The following TRAPPC2 variants were observed in gnomAD, a reference collection of about 807,000 sequenced individuals.
TRAPPC2 encodes trafficking protein particle complex subunit 2, also known as sedlin.
In TRAPPC2, 4 loss-of-function variants were observed where a neutral mutation model predicts 10.0. That is an observed-to-expected ratio of 0.40 (90% CI 0.20 to 0.92). TRAPPC2 has a LOEUF of 0.92. Ranked by LOEUF, TRAPPC2 falls within the 40% of genes least tolerant of loss-of-function variation. The pLI, the probability that TRAPPC2 is intolerant of heterozygous loss-of-function variation, is 0.35. For synonymous variants in TRAPPC2, 36 were observed against 37.3 expected (o/e 0.97, Z 0.12); for missense variants, 52 against 108.7 (o/e 0.48, Z 2.32).
chrX:13,733,588 A>T (rs965674788), intron 2 of TRAPPC2, among the ~76,000 whole-genome samples: 1 of 111,868 alleles, frequency 8.9e-6, no homozygotes, highest in African/African-American at 3.3e-5. Context: ...AGTTTTTCAC[A>T]GCCAGAGATC....
Position 13,714,143 on chromosome X carries a change from G to GGAA in TRAPPC2, c.*263_*264insTTC. 1 of 63,245 alleles carries GGAA rather than the reference G, an allele frequency of 1.6e-5. No individual in the cohort carries two copies. Among genetic ancestry groups the GGAA allele is most frequent in the African/African-American group, 6.4e-5 (1 of 15,597 alleles). The allele number at this position is 63,245 out of a possible 1,213,427, so 5.2% of individuals were successfully genotyped here. A position where few individuals can be genotyped will look rare whatever the true frequency, so the allele number is the denominator to read the frequency against. ...GGCAACAGAGTGAGACTCTGTATCA[G>GGAA]AAAAAAAAAAAAAAAAAAAACATGA... On this transcript the variant is annotated 3_prime_UTR_variant, in exon 6 of 6. Coordinates refer to ENST00000380579, the MANE Select transcript of TRAPPC2 (RefSeq NM_001011658.4).
chrX:13,722,453 A>G (rs1235394131), intron 2 of TRAPPC2, among the ~76,000 whole-genome samples: 1 of 110,940 alleles, frequency 9.0e-6, no homozygotes, highest in Non-Finnish European at 1.9e-5. Context: ...CTTTATATAC[A>G]TTCCATGCTT....
intron 5 of TRAPPC2, 70 bp downstream of exon 5, chrX:13,715,934 A>T: frequency 2.7e-6 from 3 of 1,114,862 alleles, no homozygotes; most frequent in Non-Finnish European, 3.6e-6. Flanking sequence ...AGTTACTTCA[A>T]TAGGCCAGTT....
intron 4 of TRAPPC2, 71 bp downstream of exon 4, chrX:13,716,463 T>C (rs1321793923): frequency 1.7e-6 from 2 of 1,145,514 alleles, no homozygotes; most frequent in African/African-American, 1.8e-5. Flanking sequence ...GCCTGGCATC[T>C]ATGTTCCATG....
At chrX:13,723,716 G>C (rs2046478646) in intron 2 of TRAPPC2, among the ~76,000 whole-genome samples, 1 of 110,754 alleles carries the variant, frequency 9.0e-6, no homozygotes. Context: ...ACAGAATTTG[G>C]GAATAGATTA....
intron 2 of TRAPPC2, chrX:13,721,336 G>A (rs745678553): frequency 8.9e-6 from 1 of 112,240 alleles, no homozygotes; most frequent in South Asian, 3.7e-4. Flanking sequence ...GCACCTTATG[G>A]TGCACTTATG....
rs186643504 is a variant in TRAPPC2 at position 13,726,629 on chromosome X, C to T, written c.-19-6647G>A. ...AGCACTAAACATAGAAAGAAACAAC[C>T]GGTACCAGCCACTGCAAAAACAGGC... is the stretch of plus-strand genomic sequence containing the variant. On this transcript the variant is annotated intron_variant, in intron 2 of 5. Transcript: ENST00000380579. Among the ~76,000 whole-genome samples, 13 of 111,805 alleles carry T rather than the reference C, an allele frequency of 1.2e-4. No individual in the cohort carries two copies. In the East Asian group the frequency reaches 2.8e-3, roughly 24 times the overall value.
chrX:13,722,953 C>T lies in TRAPPC2; in HGVS notation c.-19-2971G>A, dbSNP rs180868934. Among the ~76,000 whole-genome samples the T allele has an allele frequency of 1.1e-3, 124 of 110,199 alleles. No homozygotes were observed. In the South Asian group the frequency reaches 0.021, roughly 18 times the overall value. ...TGGTGGGCACCTGTAGTCCCAGCTA[C>T]TCGGGAGGCTGAGGCAGAAGAATGG... On this transcript the variant is annotated intron_variant, in intron 2 of 5. Transcript: ENST00000380579.
intron 3 of TRAPPC2, among the ~76,000 whole-genome samples, chrX:13,717,517 G>A (rs2046322256): frequency 9.0e-6 from 1 of 111,370 alleles, no homozygotes; most frequent in Non-Finnish European, 1.9e-5. Context: ...TGAGGCAGGT[G>A]GATCACCTGA....
rs1354285106 is a variant in TRAPPC2, at chrX:13,734,162, T to A, written c.-138A>T. The A allele has an allele frequency of 2.0e-6, 1 of 506,005 alleles. No individual in the cohort carries two copies. Among genetic ancestry groups the A allele is most frequent in the Non-Finnish European group, 3.5e-6 (1 of 281,868 alleles). 41.7% of individuals were successfully genotyped at this position (506,005 alleles called of 1,213,427 possible). A position where few individuals can be genotyped will look rare whatever the true frequency, so the allele number is the denominator to read the frequency against. On this transcript the variant is annotated 5_prime_UTR_variant, in exon 2 of 6. Transcript: ENST00000380579. ...CAATATCTGGAGACATCTTTGGTTG[T>A]CACACTTGGGGGAGAAGGTGATACT... is the stretch of plus-strand genomic sequence containing the variant.
At chrX:13,721,448 C>T (rs900058312) in intron 2 of TRAPPC2, 5 of 111,972 alleles carry the variant, frequency 4.5e-5, no homozygotes, top group African/African-American at 1.6e-4. Context: ...ACCGTATGCA[C>T]ACTGGGATGT....
chrX:13,728,203 C>A (rs1029515877), intron 2 of TRAPPC2, among the ~76,000 whole-genome samples: 1 of 112,161 alleles, frequency 8.9e-6, no homozygotes, highest in Admixed American at 9.4e-5. Flanking sequence ...CCTTCTGAAA[C>A]TATTCCAATC....
At chrX:13,726,396 C>G (rs1160042229) in intron 2 of TRAPPC2, among the ~76,000 whole-genome samples, 1 of 112,224 alleles carries the variant, frequency 8.9e-6, no homozygotes, top group Non-Finnish European at 1.9e-5. Flanking sequence ...GCCCATCAGA[C>G]TAACAGCAGA....
At chrX:13,733,355 A>G (rs2046722981) in intron 2 of TRAPPC2, among the ~76,000 whole-genome samples, 1 of 111,303 alleles carries the variant, frequency 9.0e-6, no homozygotes, top group Admixed American at 9.5e-5. Flanking sequence ...TGACTCGTTT[A>G]CTTATTTTTT....
intron 3 of TRAPPC2, among the ~76,000 whole-genome samples, chrX:13,719,327 A>G (rs1210692194): frequency 9.0e-6 from 1 of 110,735 alleles, no homozygotes; most frequent in Non-Finnish European, 1.9e-5. Flanking sequence ...ATTCTTGACA[A>G]GCAAGTTGGG....
rs770550765 is a variant in TRAPPC2, at chrX:13,716,658, G to C, written c.114C>G (p.Asn38Lys). 8.3e-7 allele frequency: 1 copy of C among 1,211,761 alleles called. No individual in the cohort carries two copies. The highest frequency in any genetic ancestry group is 1.1e-6 in the Non-Finnish European group (1 of 895,350). Residue 38 changes from asparagine to lysine, a missense_variant, in exon 4 of 6, where the codon AAC becomes AAG. By Grantham distance (94) the Asn-to-Lys change is moderately conservative. Transcript: ENST00000380579. ...CGAGAGCAGCATGAGCTATGAACTG[G>C]TTCAGATGACGATGGTCGTCCTAGA... is the stretch of plus-strand genomic sequence containing the variant. ...AESKDDHRHL[N>K]QFIAHAALDL...
chrX:13,726,672 T>C (rs190560616), intron 2 of TRAPPC2, among the ~76,000 whole-genome samples: 3 of 111,970 alleles, frequency 2.7e-5, no homozygotes, highest in Non-Finnish European at 3.8e-5. Flanking sequence ...TAAAAGACCA[T>C]TGATGCTATG....
chrX:13,718,406 AG>A (rs1389349116), intron 3 of TRAPPC2, among the ~76,000 whole-genome samples: 5 of 113,161 alleles, frequency 4.4e-5, no homozygotes, highest in Non-Finnish European at 7.5e-5. Flanking sequence ...CTGAAGAATT[AG>A]GAGCAAACTG....
intron 5 of TRAPPC2, among the ~76,000 whole-genome samples, chrX:13,714,983 A>G (rs1399385873): frequency 8.9e-6 from 1 of 112,430 alleles, no homozygotes; most frequent in Non-Finnish European, 1.9e-5. Context: ...ATCATAACGC[A>G]TGACAGAAAA....
Sources: gnomAD v4.1 joint callset for allele counts (sites outside exome capture counted in the v4.1 genomes callset) on GRCh38, gnomAD v4.1.1 for gene constraint, MANE v1.5 for transcripts, NCBI Gene and HGNC (gene_info 2026-07-23, HGNC 2026-07-21) for gene names.